The following MDN1 variants were observed in gnomAD, a reference collection of about 807,000 sequenced individuals.
MDN1 encodes midasin AAA ATPase 1.
Under a neutral mutation model 669.2 loss-of-function variants are expected in MDN1, and 266 were observed. That is an observed-to-expected ratio of 0.40 (90% CI 0.36 to 0.44). MDN1 has a LOEUF of 0.44. MDN1 is among the 20% of genes least tolerant of loss of function. The pLI, the probability that MDN1 is intolerant of heterozygous loss-of-function variation, is 1.00. For missense variants in MDN1, 5,940 were observed against 6,754.0 expected (o/e 0.88, Z 4.22); for synonymous variants, 2,385 against 2,457.1 (o/e 0.97, Z 0.87).
At chr6:89,699,110 A>G (rs887102995) in intron 58 of MDN1, 75 bp from the exon 59 acceptor site, 8 of 1,319,106 alleles carry the variant, frequency 6.1e-6, no homozygotes, top group African/African-American at 3.0e-5. Flanking sequence ...TCTTTCTTCT[A>G]AGGCCCATCT....
Position 89,762,508 on chromosome 6 carries a change from G to A in MDN1, c.2167C>T (p.Leu723Phe). The change falls in exon 16 of 102, where the codon CTT (leucine) becomes TTT (phenylalanine). Residue 723 changes from leucine (L) to phenylalanine (F), a missense_variant. Leu to Phe is a conservative substitution (Grantham distance 22, BLOSUM62 0). Transcript: ENST00000369393. Reference sequence around the variant, plus strand: ...GCCTCCCGTAAGGGTAGCCAAATAAGCTTATGGTCCACCGGTTTATAACTG... The same window carrying A: ...GCCTCCCGTAAGGGTAGCCAAATAAACTTATGGTCCACCGGTTTATAACTG... ...LGGYKPVDHK[L>F]IWLPLREAFE... 3.1e-6 allele frequency: 5 copies of A among 1,613,538 alleles called. No homozygotes were observed. The highest frequency in any genetic ancestry group is 2.5e-6 in the Non-Finnish European group (3 of 1,179,608).
At chr6:89,777,936 G>C (rs1818436505) in intron 11 of MDN1, among the ~76,000 whole-genome samples, 1 of 151,984 alleles carries the variant, frequency 6.6e-6, no homozygotes, top group Admixed American at 6.6e-5. Context: ...TTCCCATATG[G>C]CTAGCCTAGT....
At chr6:89,812,430 C>G (rs1768493841) in intron 1 of MDN1, among the ~76,000 whole-genome samples, 1 of 152,032 alleles carries the variant, frequency 6.6e-6, no homozygotes, top group South Asian at 2.1e-4. Context: ...CTCTTCTCTT[C>G]CCACCAAAAA....
Position 89,696,009 on chromosome 6 carries a change from A to C in MDN1, c.9384-17T>G. ...TCCGTGCGTCTGTGGGGACAAAAAG[A>C]AAGCACTGAAAGGTTTGTACTGTAT... On this transcript the variant is annotated splice_polypyrimidine_tract_variant and intron_variant, in intron 60 of 101. Transcript: ENST00000369393. 1 of 1,595,192 alleles carries C rather than the reference A, an allele frequency of 6.3e-7. No homozygotes were observed. Among genetic ancestry groups the C allele is most frequent in the Non-Finnish European group, 8.5e-7 (1 of 1,169,960 alleles).
rs536293414 is a variant in MDN1 at position 89,699,452 on chromosome 6, A to T, written c.8997+149T>A. On this transcript the variant is annotated intron_variant, in intron 58 of 101. Transcript: ENST00000369393. The stretch of plus-strand genomic sequence containing the variant: ...TAATTACTATAAAAGAATATTTAAA[A>T]TTCTTCCCTTTAAGAGGCAATTCAA... The T allele has an allele frequency of 1.1e-4, 85 of 742,806 alleles. No individual in the cohort carries two copies. In the Admixed American group the frequency reaches 1.2e-3, roughly 11 times the overall value. The allele number at this position is 742,806 out of a possible 1,614,324, so 46.0% of individuals were successfully genotyped here.
chr6:89,811,982 G>A (rs1262244957), intron 1 of MDN1, among the ~76,000 whole-genome samples: 3 of 151,362 alleles, frequency 2.0e-5, no homozygotes, highest in Admixed American at 2.0e-4. Flanking sequence ...ACAAATACAA[G>A]AAAAAACTTT....
chr6:89,663,615 C>T (rs1175282933), intron 85 of MDN1, among the ~76,000 whole-genome samples: 1 of 151,934 alleles, frequency 6.6e-6, no homozygotes, highest in African/African-American at 2.4e-5. Flanking sequence ...TTTTTAATGA[C>T]AGGGAGAATG....
At chr6:89,659,959 C>T (rs930550842) in intron 88 of MDN1, among the ~76,000 whole-genome samples, 1 of 152,150 alleles carries the variant, frequency 6.6e-6, no homozygotes, top group Non-Finnish European at 1.5e-5. Context: ...GCCATCTTGG[C>T]TCACTGCAAC....
chr6:89,708,379 C>T, intron 51 of MDN1, 117 bp downstream of exon 51: 1 of 1,298,414 alleles, frequency 7.7e-7, no homozygotes, highest in Non-Finnish European at 1.1e-6. Flanking sequence ...CAACACCCCA[C>T]AACTTCTCAG....
chr6:89,718,344 A>C (rs771783637), intron 43 of MDN1, 22 bp downstream of exon 43: 1 of 1,606,910 alleles, frequency 6.2e-7, no homozygotes, highest in Admixed American at 1.7e-5. Flanking sequence ...AGTTCCTGAT[A>C]CAGAGATCCA....
intron 52 of MDN1, among the ~76,000 whole-genome samples, chr6:89,706,551 A>G (rs911484551): frequency 6.6e-6 from 1 of 152,166 alleles, no homozygotes; most frequent in Admixed American, 6.5e-5. Flanking sequence ...ATGGCTCATC[A>G]TATGAGGTCA....
chr6:89,788,639 C>A (rs967204775), intron 7 of MDN1, among the ~76,000 whole-genome samples: 1 of 152,030 alleles, frequency 6.6e-6, no homozygotes, highest in East Asian at 1.9e-4. Flanking sequence ...TAAGAGTTAT[C>A]GAGAGGCTTT....
chr6:89,700,047 T>C lies in MDN1; in HGVS notation c.8870+16A>G, dbSNP rs1813038260. The C allele has an allele frequency of 6.2e-7, 1 of 1,609,244 alleles. No individual in the cohort carries two copies. The highest frequency in any genetic ancestry group is 8.5e-7 in the Non-Finnish European group (1 of 1,175,666). On this transcript the variant is annotated intron_variant, in intron 57 of 101. Coordinates refer to ENST00000369393, the MANE Select transcript of MDN1 (RefSeq NM_014611.3). Reference sequence around the variant, plus strand: ...AAAAAGTTCCCGCAAGGAAAACAACTGAAAGCATGGTTTACCTTCTGAGAC... The same window carrying C: ...AAAAAGTTCCCGCAAGGAAAACAACCGAAAGCATGGTTTACCTTCTGAGAC...
chr6:89,750,197 C>A (rs1816868221), intron 24 of MDN1, among the ~76,000 whole-genome samples, 157 bp downstream of exon 24: 1 of 152,202 alleles, frequency 6.6e-6, no homozygotes, highest in East Asian at 1.9e-4. Context: ...GCACCTTATG[C>A]ATCACCCCTT....
intron 2 of MDN1, among the ~76,000 whole-genome samples, chr6:89,798,529 T>A (rs1312256422): frequency 1.3e-5 from 2 of 151,738 alleles, no homozygotes; most frequent in African/African-American, 2.4e-5. Flanking sequence ...AACAAATCTA[T>A]GATGAATTTT....
chr6:89,734,563 G>C (rs1462805996), intron 33 of MDN1, among the ~76,000 whole-genome samples: 1 of 151,632 alleles, frequency 6.6e-6, no homozygotes, highest in African/African-American at 2.4e-5. Flanking sequence ...GGGAGGGTGA[G>C]GTGGGAGAAT....
chr6:89,656,953 G>A (rs1372650465), intron 90 of MDN1, 152 bp from the exon 91 acceptor site: 3 of 639,242 alleles, frequency 4.7e-6, no homozygotes, highest in Admixed American at 3.1e-5. Flanking sequence ...GGAACTCACC[G>A]TAACTAAGGC....
intron 33 of MDN1, among the ~76,000 whole-genome samples, chr6:89,733,404 C>A (rs1815727590): frequency 6.6e-6 from 1 of 151,514 alleles, no homozygotes; most frequent in Non-Finnish European, 1.5e-5. Flanking sequence ...TCAAAGTAAT[C>A]CCAATTAAAT....
Position 89,676,087 on chromosome 6 carries a change from G to C in MDN1, c.12645+15C>G, listed in dbSNP as rs1346504755. On this transcript the variant is annotated intron_variant, in intron 77 of 101. Coordinates refer to ENST00000369393, the MANE Select transcript of MDN1 (RefSeq NM_014611.3). ...TTCCCTGAGCCCCTGCAAGACTCAT[G>C]TTCTATCATTCTACCTTGGCAGGAG... 6.2e-7 allele frequency: 1 copy of C among 1,610,050 alleles called. No homozygotes were observed. The highest frequency in any genetic ancestry group is 1.7e-5 in the Admixed American group (1 of 60,012).
Sources: gnomAD v4.1 joint callset for allele counts (sites outside exome capture counted in the v4.1 genomes callset) on GRCh38, gnomAD v4.1.1 for gene constraint, MANE v1.5 for transcripts, NCBI Gene and HGNC (gene_info 2026-07-23, HGNC 2026-07-21) for gene names.